MBOAT4: variants seen among roughly 807,000 people sequenced by gnomAD.
MBOAT4 encodes the protein membrane bound ghrelin O-acyltransferase MBOAT4, also known as membrane-bound ghrelin O-acyltransferase MBOAT4.
Under a neutral mutation model 13.2 loss-of-function variants are expected in MBOAT4, and 11 were observed. That is an observed-to-expected ratio of 0.84 (90% confidence interval 0.53 to 1.38). The LOEUF (loss-of-function observed/expected upper bound fraction) is 1.38. Ranked by LOEUF, MBOAT4 falls within the 40% of genes most tolerant of loss-of-function variation. The probability of loss-of-function intolerance (pLI) is 0.00; values close to 1 mark genes in which losing one functional copy is unlikely to be tolerated. For missense variants in MBOAT4, 481 were observed against 527.2 expected (o/e 0.91, Z 0.86); for synonymous variants, 202 against 210.3 (o/e 0.96, Z 0.34).
At position 30,131,899 on chromosome 8, in the gene MBOAT4, T is replaced by C; in HGVS notation, c.*44A>G. The C allele has an allele frequency of 6.7e-7, 1 of 1,501,680 alleles. No homozygotes were observed. The highest frequency in any genetic ancestry group is 8.9e-7 in the Non-Finnish European group (1 of 1,123,704). 93.0% of individuals were successfully genotyped at this position (1,501,680 alleles called of 1,614,324 possible). ...TATCGATGCGTCATCTGGCACTTTC[T>C]AAAATGTTTCCTGGGTGTTTAAGGT... On this transcript the variant is annotated 3_prime_UTR_variant, in exon 3 of 3. Coordinates refer to ENST00000320542, the MANE Select transcript of MBOAT4 (RefSeq NM_001100916.2).
chr8:30,144,373 T>A, intron 1 of MBOAT4, 110 bp downstream of exon 1: 1 of 712,332 alleles, frequency 1.4e-6, no homozygotes, highest in Admixed American at 3.0e-5. Flanking sequence ...TGGCCTCAAG[T>A]GATCTGCCCG....
chr8:30,140,605 C>G (rs1415724131), intron 1 of MBOAT4, among the ~76,000 whole-genome samples: 1 of 152,162 alleles, frequency 6.6e-6, no homozygotes, highest in Non-Finnish European at 1.5e-5. Flanking sequence ...AAAATGGGGT[C>G]AGAATCTAAA....
chr8:30,134,564 CAG>C (rs1244008973), intron 2 of MBOAT4, among the ~76,000 whole-genome samples: 5 of 152,004 alleles, frequency 3.3e-5, no homozygotes, highest in African/African-American at 9.7e-5. Flanking sequence ...TTTTTGGAGA[CAG>C]AGTCTCATTC....
intron 2 of MBOAT4, 41 bp downstream of exon 2, chr8:30,138,491 C>CTGTA (rs148503905): frequency 0.044 from 65,787 of 1,492,904 alleles, 1,734 homozygotes; most frequent in Admixed American, 0.086. Context: ...TGCAAGCAAA[C>CTGTA]TGTAGGTGGG....
chr8:30,136,625 C>G (rs909645925), intron 2 of MBOAT4, among the ~76,000 whole-genome samples: 5 of 152,186 alleles, frequency 3.3e-5, no homozygotes, highest in South Asian at 2.1e-4. Context: ...TCCTGATTCA[C>G]TCCATCCCAT....
rs570378359 is a variant in MBOAT4, at chr8:30,143,045, A to G, written c.119+1438T>C. Among the ~76,000 whole-genome samples, 8 of 152,244 alleles carry G rather than the reference A, an allele frequency of 5.3e-5. No individual in the cohort carries two copies. The South Asian group carries it at 1.7e-3, about 32-fold the overall frequency. The stretch of plus-strand genomic sequence containing the variant: ...ACTGTCAGGGAAAAAGGGTTGAAAA[A>G]CTAACTCTTGGGTACTGTGCTCACT... On this transcript the variant is annotated intron_variant, in intron 1 of 2. Transcript: ENST00000320542.
At position 30,132,162 on chromosome 8, in the gene MBOAT4, G is replaced by C; in HGVS notation, c.1089C>G (p.Ser363=). ...VMVEADYLIH[S]FANEFIRSWP... ...AGGATCTGATAAACTCATTGGCAAAGGAGTGAATCAGGTAGTCAGCTTCCA... is the reference window on the plus strand; with the variant it reads ...AGGATCTGATAAACTCATTGGCAAACGAGTGAATCAGGTAGTCAGCTTCCA... The change falls in exon 3 of 3, where the codon TCC becomes TCG. Residue 363 remains serine (S), a synonymous_variant. Coordinates refer to ENST00000320542, the MANE Select transcript of MBOAT4 (RefSeq NM_001100916.2). 1 of 1,551,844 alleles carries C rather than the reference G, an allele frequency of 6.4e-7. No homozygotes were observed. The highest frequency in any genetic ancestry group is 2.4e-5 in the East Asian group (1 of 40,930).
In MBOAT4 at chr8:30,132,507, A is replaced by G. The variant is rs1585481535; in HGVS notation, c.744T>C (p.Ala248=). Residue 248 remains alanine, a synonymous_variant, in exon 3 of 3, where the codon GCT becomes GCC. Transcript: ENST00000320542. ...AGTAGTAGGTGAGCTTGAAAAGCCC[A>G]GCTGTGGTCCACACGACATAGATGC... ...FECIYVVWTT[A]GLFKLTYYSH... 6 of 1,551,764 alleles carry G rather than the reference A, an allele frequency of 3.9e-6. No homozygotes were observed. Among genetic ancestry groups the G allele is most frequent in the African/African-American group, 1.4e-5 (1 of 73,180 alleles).
At chr8:30,140,917 A>G (rs1459410140) in intron 1 of MBOAT4, among the ~76,000 whole-genome samples, 1 of 151,928 alleles carries the variant, frequency 6.6e-6, no homozygotes, top group Admixed American at 6.6e-5. Context: ...GACTCACTGC[A>G]GCCTTGACCC....
chr8:30,135,172 G>A (rs1176254135), intron 2 of MBOAT4, among the ~76,000 whole-genome samples: 3 of 151,808 alleles, frequency 2.0e-5, no homozygotes, highest in Non-Finnish European at 2.9e-5. Flanking sequence ...GATTATAGGC[G>A]TGAGCCACTG....
rs538616586 is a variant in MBOAT4 at position 30,132,674 on chromosome 8, A to C, written c.577T>G (p.Ser193Ala). 1,155 of 1,551,664 alleles carry C rather than the reference A, an allele frequency of 7.4e-4. 24 individuals carry two copies. In the South Asian group the frequency reaches 0.012, roughly 16 times the overall value. ...GAGTGTCTGGGATGCAAAGCACTGG[A>C]CCCTTGAACACGAGCCTGAAATCGC... ...FQRFQARVQG[S>A]SALHPRHSFW... The change falls in exon 3 of 3, where the codon TCC (serine) becomes GCC (alanine). Residue 193 changes from serine to alanine, a missense_variant. Physicochemically the swap from Ser to Ala is moderately conservative, Grantham distance 99. Coordinates refer to ENST00000320542, the MANE Select transcript of MBOAT4 (RefSeq NM_001100916.2).
In MBOAT4 at chr8:30,132,102, C is replaced by T. The variant is rs147268143; in HGVS notation, c.1149G>A (p.Trp383Ter). ...PMRLFYRTLT[W>*]AHTQLIIAYI... ...AGGCAATGATCAACTGGGTGTGGGC[C>T]CAGGTGAGGGTTCTATAGAACAGCC... Residue 383 changes from tryptophan to a stop codon, truncating the protein, a stop_gained, in exon 3 of 3, where the codon TGG (tryptophan) becomes TGA (stop). Coordinates refer to ENST00000320542, the MANE Select transcript of MBOAT4 (RefSeq NM_001100916.2). LOFTEE classifies it low-confidence loss of function (END_TRUNC). The T allele has an allele frequency of 6.4e-7, 1 of 1,551,682 alleles. No homozygotes were observed. The highest frequency in any genetic ancestry group is 8.7e-7 in the Non-Finnish European group (1 of 1,146,996).
At position 30,138,745 on chromosome 8, in the gene MBOAT4, A is replaced by T; in HGVS notation, c.131T>A (p.Leu44His). Residue 44 changes from leucine to histidine, a missense_variant, in exon 2 of 3, where the codon CTC becomes CAC. By Grantham distance (99) the Leu-to-His change is moderately conservative. Coordinates refer to ENST00000320542, the MANE Select transcript of MBOAT4 (RefSeq NM_001100916.2). Reference sequence around the variant, plus strand: ...GGCCAGGGCACCTCCTCCAGTCAGGAGAAAGAGGTACCTGAAAGAGAAGGG... The same window carrying T: ...GGCCAGGGCACCTCCTCCAGTCAGGTGAAAGAGGTACCTGAAAGAGAAGGG... ...SFSTRARYLF[L>H]LTGGGALAVA... 6.5e-7 allele frequency: 1 copy of T among 1,549,532 alleles called. No individual in the cohort carries two copies. Among genetic ancestry groups the T allele is most frequent in the Non-Finnish European group, 8.7e-7 (1 of 1,146,798 alleles).
chr8:30,132,288 G>A lies in MBOAT4; in HGVS notation c.963C>T (p.His321=), dbSNP rs1380703621. 2 of 1,551,790 alleles carry A rather than the reference G, an allele frequency of 1.3e-6. No homozygotes were observed. The highest frequency in any genetic ancestry group is 1.7e-6 in the Non-Finnish European group (2 of 1,147,016). ...TCTGCAACAACGGCCAAGCCCTGCT[G>A]TGCTGGAATACAAGCCGTCGGAGCC... ...ARWLRRLVFQ[H]SRAWPLLQTF... The change falls in exon 3 of 3, where the codon CAC becomes CAT. Residue 321 remains histidine, a synonymous_variant. Coordinates refer to ENST00000320542, the MANE Select transcript of MBOAT4 (RefSeq NM_001100916.2).
At chr8:30,134,651 G>A (rs997316492) in intron 2 of MBOAT4, among the ~76,000 whole-genome samples, 7 of 149,598 alleles carry the variant, frequency 4.7e-5, no homozygotes, top group East Asian at 2.1e-4. Flanking sequence ...GGCTTCAAGC[G>A]ATTCTCCTGC....
chr8:30,134,575 T>C (rs1803099139), intron 2 of MBOAT4, among the ~76,000 whole-genome samples: 1 of 152,300 alleles, frequency 6.6e-6, no homozygotes, highest in South Asian at 2.1e-4. Context: ...AGAGTCTCAT[T>C]CTATGGCCCA....
rs1255328844 is a variant in MBOAT4, at chr8:30,138,564, A to G, written c.312T>C (p.Thr104=). Residue 104 remains threonine, a synonymous_variant, in exon 2 of 3, where the codon ACT becomes ACC. Transcript: ENST00000320542. ...QTLCHLGLHY[T]EYYLHEPPSV... ...AAGGAGGCTCATGCAGATAATACTC[A>G]GTGTAGTGCAGACCTAGGTGACACA... 1 of 1,551,404 alleles carries G rather than the reference A, an allele frequency of 6.4e-7. No individual in the cohort carries two copies. Among genetic ancestry groups the G allele is most frequent in the African/African-American group, 1.4e-5 (1 of 73,032 alleles).
intron 2 of MBOAT4, chr8:30,137,357 C>A (rs996645318): frequency 1.3e-6 from 2 of 1,551,698 alleles, no homozygotes; most frequent in Non-Finnish European, 1.7e-6. Context: ...CCTCTCCCAG[C>A]AGCCGCCATG....
chr8:30,132,027 G>A lies in MBOAT4; in HGVS notation c.1224C>T (p.Leu408=). 6.4e-7 allele frequency: 1 copy of A among 1,551,906 alleles called. No individual in the cohort carries two copies. Among genetic ancestry groups the A allele is most frequent in the Non-Finnish European group, 8.7e-7 (1 of 1,147,062 alleles). The change falls in exon 3 of 3, where the codon CTC becomes CTT. Residue 408 remains leucine (L), a synonymous_variant. Transcript: ENST00000320542. ...EVRSLSSLWL[L]CNSYNSVFPM... ...GAAAGACACTGTTGTACGAATTACA[G>A]AGCAACCAGAGAGAGGAGAGACTCC...
Sources: allele counts gnomAD v4.1 joint callset (sites outside exome capture counted in the v4.1 genomes callset), GRCh38; gene constraint gnomAD v4.1.1; transcripts MANE v1.5; gene names NCBI Gene and HGNC (gene_info 2026-07-23, HGNC 2026-07-21).